Variants in DPP6 observed in about 807,000 individuals in gnomAD.
DPP6 encodes A-type potassium channel modulatory protein DPP6.
A neutral mutation model predicts 122.6 loss-of-function variants in DPP6; 69 were observed. The ratio of observed to expected loss-of-function variants is 0.56; its 90% CI spans 0.46 to 0.69. The LOEUF (loss-of-function observed/expected upper bound fraction) is 0.69. Among genes scored for constraint, DPP6 ranks in the 30% least tolerant of loss-of-function variants. The pLI, the probability that DPP6 is intolerant of heterozygous loss-of-function variation, is 0.00. For missense variants in DPP6, 928 were observed against 1,116.9 expected, an observed-to-expected ratio of 0.83 and a Z score of 2.41; for synonymous variants, 418 against 433.1, an observed-to-expected ratio of 0.97 and a Z score of 0.43.
intron 7 of DPP6, among the ~76,000 whole-genome samples, chr7:154,670,164 C>T (rs933928039): frequency 6.6e-6 from 1 of 151,930 alleles, no homozygotes; most frequent in Non-Finnish European, 1.5e-5. Flanking sequence ...CCAGCCTCTG[C>T]GGAGGGTTTT....
Position 154,875,836 on chromosome 7 carries a change from C to A in DPP6, c.1884-70C>A. 3.9e-6 allele frequency: 6 copies of A among 1,541,788 alleles called. No individual in the cohort carries two copies. The highest frequency in any genetic ancestry group is 5.2e-6 in the Non-Finnish European group (6 of 1,144,280). On this transcript the variant is annotated intron_variant, in intron 19 of 25. Transcript: ENST00000377770. This position sits in a 1 kb window ranked among gnomAD's most constrained non-coding sequence, Gnocchi z 4.5. ...AAAATCCCTTACGGGGGTCATCTGACGTGGCAGCTGCTAGACCAGCCGCCA... is the reference window on the plus strand; with the variant it reads ...AAAATCCCTTACGGGGGTCATCTGAAGTGGCAGCTGCTAGACCAGCCGCCA...
At chr7:154,594,822 G>C (rs1323467055) in intron 5 of DPP6, among the ~76,000 whole-genome samples, 1 of 152,148 alleles carries the variant, frequency 6.6e-6, no homozygotes, top group Non-Finnish European at 1.5e-5. Flanking sequence ...ATCTGACCTA[G>C]ACCAGACCCA....
chr7:154,351,436 G>C, intron 1 of DPP6, among the ~76,000 whole-genome samples: 1 of 152,194 alleles, frequency 6.6e-6, no homozygotes, highest in Middle Eastern at 3.2e-3. Flanking sequence ...AAAAATAGCA[G>C]CTGAGTGTAA....
chr7:154,522,327 T>A (rs546450061), intron 3 of DPP6, among the ~76,000 whole-genome samples: 26 of 152,164 alleles, frequency 1.7e-4, no homozygotes, highest in Non-Finnish European at 1.9e-4. Context: ...AACCTCCCAG[T>A]CAGGTTATCC....
At chr7:154,770,671 C>A (rs1414727854) in intron 9 of DPP6, among the ~76,000 whole-genome samples, 1 of 152,206 alleles carries the variant, frequency 6.6e-6, no homozygotes, top group East Asian at 1.9e-4. Flanking sequence ...TTTGTTACAG[C>A]AGCCTAGAGG....
chr7:154,120,536 G>A (rs1480154290), intron 1 of DPP6, among the ~76,000 whole-genome samples: 3 of 152,198 alleles, frequency 2.0e-5, no homozygotes, highest in Middle Eastern at 3.4e-3. Flanking sequence ...GAGCCACCGC[G>A]CCCAGCCATC....
chr7:154,886,237 T>C (rs772494931), intron 22 of DPP6, among the ~76,000 whole-genome samples: 19 of 152,212 alleles, frequency 1.2e-4, no homozygotes, highest in Non-Finnish European at 2.1e-4. Context: ...GAGGTCCACG[T>C]GGCTCAGCTC....
At chr7:153,786,506 G>A in the DPP6 span, among the ~76,000 whole-genome samples, 1 of 151,616 alleles carries the variant, frequency 6.6e-6, no homozygotes, top group South Asian at 2.1e-4. Flanking sequence ...TTGGGAGGCC[G>A]AGGCGGGCGG....
intron 4 of DPP6, among the ~76,000 whole-genome samples, chr7:154,543,854 C>T (rs1426103589): frequency 6.6e-6 from 1 of 151,734 alleles, no homozygotes; most frequent in African/African-American, 2.4e-5. Flanking sequence ...GTTAGCCGAG[C>T]ATGGTGGAGC....
chr7:153,807,423 AC>A, the DPP6 span, among the ~76,000 whole-genome samples: 1 of 149,960 alleles, frequency 6.7e-6, no homozygotes, highest in African/African-American at 2.5e-5. Flanking sequence ...AAACAAACAA[AC>A]AAACAAAAAA....
intron 6 of DPP6, among the ~76,000 whole-genome samples, chr7:154,645,514 A>G (rs1836407202): frequency 6.6e-6 from 1 of 152,114 alleles, no homozygotes; most frequent in Non-Finnish European, 1.5e-5. Flanking sequence ...ACTTCTAGTA[A>G]CCATCACCAA....
At chr7:154,098,045 G>T (rs1376937714) in intron 1 of DPP6, among the ~76,000 whole-genome samples, 2 of 152,118 alleles carry the variant, frequency 1.3e-5, no homozygotes, top group Admixed American at 1.3e-4. Context: ...GAGAGGTATT[G>T]ATATGGTTCT....
In DPP6 at chr7:154,030,614, C is replaced by T. The variant is rs547983114; in HGVS notation, c.51+142880C>T. ...TGAGCGCATCTTTGCTTGCCTTCCA[C>T]GTGACAGACCTGGACCTCAGTTCTT... is the stretch of plus-strand genomic sequence containing the variant. On this transcript the variant is annotated intron_variant, in intron 1 of 25. Transcript: ENST00000404039. 7.2e-5 allele frequency among the ~76,000 whole-genome samples: 11 copies of T among 152,156 alleles called. 1 individual carries two copies. The highest frequency in any genetic ancestry group is 4.6e-4 in the Admixed American group (7 of 15,280).
intron 1 of DPP6, among the ~76,000 whole-genome samples, chr7:154,281,587 C>A (rs1804518994): frequency 6.6e-6 from 1 of 152,120 alleles, no homozygotes; most frequent in African/African-American, 2.4e-5. Flanking sequence ...AATATAGCAA[C>A]AAAGTACAAA....
intron 10 of DPP6, among the ~76,000 whole-genome samples, chr7:154,778,876 C>G (rs1395308114): frequency 1.3e-5 from 2 of 150,792 alleles, no homozygotes; most frequent in East Asian, 3.9e-4. Flanking sequence ...TTTACAACTT[C>G]CAACACTACA....
chr7:154,266,797 G>C (rs1803450388), intron 1 of DPP6, among the ~76,000 whole-genome samples: 1 of 152,134 alleles, frequency 6.6e-6, no homozygotes, highest in African/African-American at 2.4e-5. Context: ...CCTTTCTTAG[G>C]ACATCTAGAA....
intron 4 of DPP6, among the ~76,000 whole-genome samples, chr7:154,557,535 C>A (rs569299765): frequency 6.6e-6 from 1 of 152,048 alleles, no homozygotes; most frequent in Non-Finnish European, 1.5e-5. Flanking sequence ...GGGAATAGAA[C>A]CGTGGCAAAA....
intron 3 of DPP6, among the ~76,000 whole-genome samples, chr7:154,528,454 T>G (rs1456045718): frequency 6.6e-6 from 1 of 152,242 alleles, no homozygotes; most frequent in African/African-American, 2.4e-5. Context: ...CTCCTCATTC[T>G]AGAGCAGTTA....
chr7:154,176,351 A>G (rs1258064179), intron 1 of DPP6, among the ~76,000 whole-genome samples: 1 of 152,212 alleles, frequency 6.6e-6, no homozygotes, highest in Non-Finnish European at 1.5e-5. Flanking sequence ...GTACATACAA[A>G]CATTTGAAAC....
Sources: gnomAD v4.1 joint callset for allele counts (sites outside exome capture counted in the v4.1 genomes callset) on GRCh38, gnomAD v4.1.1 for gene constraint, Gnocchi (gnomAD v3.1) non-coding constraint, MANE v1.5 for transcripts, NCBI Gene and HGNC (gene_info 2026-07-23, HGNC 2026-07-21) for gene names.